The following ANO6 variants were observed in gnomAD, a reference collection of about 807,000 sequenced individuals.
ANO6 encodes anoctamin-6.
In ANO6, 106 loss-of-function variants were observed where a neutral mutation model predicts 117.5. The ratio of observed to expected loss-of-function variants is 0.90; its 90% confidence interval spans 0.77 to 1.06. ANO6 has a LOEUF of 1.06. ANO6 is among the 50% of genes least tolerant of loss of function. ANO6 has a pLI of 0.00. For synonymous variants in ANO6, 367 were observed against 385.1 expected (o/e 0.95, Z 0.55); for missense variants, 955 against 1,121.1 (o/e 0.85, Z 2.12).
chr12:45,342,605 C>T (rs1208827788), intron 3 of ANO6, among the ~76,000 whole-genome samples: 1 of 152,086 alleles, frequency 6.6e-6, no homozygotes, highest in East Asian at 1.9e-4. Context: ...ATTTGGGGGG[C>T]TGCAGTTGCT....
At chr12:45,238,406 C>T (rs1947682747) in intron 1 of ANO6, among the ~76,000 whole-genome samples, 1 of 152,102 alleles carries the variant, frequency 6.6e-6, no homozygotes, top group Non-Finnish European at 1.5e-5. Context: ...ATGCCTCAGC[C>T]TCCCAAAGTG....
Position 45,431,711 on chromosome 12 carries a change from T to C in ANO6, c.*2400T>C. ...ATAAAGAAAAGCATGGAGCTGTGTC[T>C]GCAGACAATGGTGGCTGCATCTGTA... On this transcript the variant is annotated 3_prime_UTR_variant, in exon 20 of 20. Transcript: ENST00000320560. 1 of 985,454 alleles carries C rather than the reference T, an allele frequency of 1.0e-6. No homozygotes were observed. Among genetic ancestry groups the C allele is most frequent in the South Asian group, 4.7e-5 (1 of 21,286 alleles). 61.0% of individuals were successfully genotyped at this position (985,454 alleles called of 1,614,324 possible).
Position 45,299,358 on chromosome 12 carries a change from T to C in ANO6, c.71-2656T>C, listed in dbSNP as rs542301608. 5.9e-5 allele frequency among the ~76,000 whole-genome samples: 9 copies of C among 152,348 alleles called. No individual in the cohort carries two copies. The South Asian group carries it at 1.5e-3, about 25-fold the overall frequency. ...GCAAGCACCTTAATTTTGGCAATGGTTGCAGCTCTTCAAGCCTTTGCTCAT... is the reference window on the plus strand; with the variant it reads ...GCAAGCACCTTAATTTTGGCAATGGCTGCAGCTCTTCAAGCCTTTGCTCAT... On this transcript the variant is annotated intron_variant, in intron 1 of 19. Transcript: ENST00000320560.
chr12:45,308,304 T>C (rs1018420911), intron 2 of ANO6, among the ~76,000 whole-genome samples: 23 of 151,998 alleles, frequency 1.5e-4, no homozygotes, highest in African/African-American at 5.6e-4. Context: ...GTAGGGACTG[T>C]TCCTTCTTAG....
chr12:45,242,684 T>C (rs1228015336), intron 1 of ANO6, among the ~76,000 whole-genome samples: 1 of 152,250 alleles, frequency 6.6e-6, no homozygotes, highest in Non-Finnish European at 1.5e-5. Flanking sequence ...ATACCAGAGC[T>C]GTTCCTATTC....
At chr12:45,241,752 T>A (rs1385646891) in intron 1 of ANO6, among the ~76,000 whole-genome samples, 1 of 152,164 alleles carries the variant, frequency 6.6e-6, no homozygotes. Context: ...GATGTCCTTT[T>A]TGTTGATGTT....
rs571442696 is a variant in ANO6 at position 45,438,658 on chromosome 12, A to C, written c.2527-1017A>C. On this transcript the variant is annotated intron_variant, in intron 19 of 19. Coordinates refer to the ANO6 transcript ENST00000425752. ...GATATCCTATTACGTATATGTAAAT[A>C]TTTCAAAATTCAAAAAAATCTGTAA... Among the ~76,000 whole-genome samples, 3 of 152,320 alleles carry C rather than the reference A, an allele frequency of 2.0e-5. No homozygotes were observed. In the South Asian group the frequency reaches 6.2e-4, roughly 32 times the overall value.
intron 9 of ANO6, among the ~76,000 whole-genome samples, chr12:45,377,661 A>G (rs933102946): frequency 6.6e-6 from 1 of 152,258 alleles, no homozygotes; most frequent in Non-Finnish European, 1.5e-5. Flanking sequence ...TCATATATCT[A>G]AAAGTTGCTT....
At chr12:45,374,731 A>G (rs1315162516) in intron 9 of ANO6, among the ~76,000 whole-genome samples, 37 of 149,458 alleles carry the variant, frequency 2.5e-4, no homozygotes, top group African/African-American at 8.4e-4. Flanking sequence ...TCTATGACAA[A>G]CCCACAGCCA....
At chr12:45,250,842 T>C (rs1055763249) in intron 1 of ANO6, among the ~76,000 whole-genome samples, 2 of 151,620 alleles carry the variant, frequency 1.3e-5, no homozygotes, top group African/African-American at 4.9e-5. Flanking sequence ...CAAGCAATCC[T>C]TGGCCTCCTG....
At chr12:45,248,344 C>T (rs1188263081) in intron 1 of ANO6, among the ~76,000 whole-genome samples, 2 of 151,930 alleles carry the variant, frequency 1.3e-5, no homozygotes, top group Non-Finnish European at 2.9e-5. Flanking sequence ...AAGCTTTCTG[C>T]CAAGTAGCAC....
intron 8 of ANO6, among the ~76,000 whole-genome samples, chr12:45,363,578 GA>G (rs1941610995): frequency 6.7e-6 from 1 of 149,024 alleles, no homozygotes; most frequent in South Asian, 2.1e-4. Flanking sequence ...AAAAAAAAAA[GA>G]AAAAAGGGTG....
In ANO6 at chr12:45,216,198, G is replaced by A. The variant is rs1186714098; in HGVS notation, c.-124G>A. 2.3e-5 allele frequency: 26 copies of A among 1,133,508 alleles called. No homozygotes were observed. Among genetic ancestry groups the A allele is most frequent in the Non-Finnish European group, 3.2e-5 (25 of 777,208 alleles). The allele number at this position is 1,133,508 out of a possible 1,614,324, so 70.2% of individuals were successfully genotyped here. A position where few individuals can be genotyped will look rare whatever the true frequency, so the allele number is the denominator to read the frequency against. On this transcript the variant is annotated 5_prime_UTR_variant, in exon 1 of 20. Transcript: ENST00000320560. ...TCCCCGGCGCTGGCTGGGCTCAGCGGCCCCTGAGCCCAAGCGACACACGCC... is the reference window on the plus strand; with the variant it reads ...TCCCCGGCGCTGGCTGGGCTCAGCGACCCCTGAGCCCAAGCGACACACGCC...
chr12:45,360,988 G>A (rs1941541143), intron 8 of ANO6, among the ~76,000 whole-genome samples: 1 of 152,064 alleles, frequency 6.6e-6, no homozygotes, highest in African/African-American at 2.4e-5. Flanking sequence ...CTGTAACTTT[G>A]TAAACTTCAA....
chr12:45,313,213 G>C (rs1939902436), intron 2 of ANO6: 1 of 151,982 alleles, frequency 6.6e-6, no homozygotes. Context: ...AAGCTATTCT[G>C]AAGGTTGCCC....
chr12:45,268,990 A>T (rs946608961), intron 1 of ANO6, among the ~76,000 whole-genome samples: 2 of 152,162 alleles, frequency 1.3e-5, no homozygotes, highest in African/African-American at 4.8e-5. Context: ...ATCAAGATTT[A>T]TGGTGGAGAC....
At chr12:45,355,343 C>A (rs1427234708) in intron 7 of ANO6, among the ~76,000 whole-genome samples, 1 of 152,044 alleles carries the variant, frequency 6.6e-6, no homozygotes, top group Non-Finnish European at 1.5e-5. Context: ...TCTGGCCTTG[C>A]CTACAATGTA....
intron 8 of ANO6, among the ~76,000 whole-genome samples, chr12:45,367,419 C>T (rs1478584394): frequency 6.6e-6 from 1 of 152,166 alleles, no homozygotes; most frequent in Non-Finnish European, 1.5e-5. Flanking sequence ...ACTTGACATA[C>T]AATGCTGGCA....
chr12:45,357,351 C>A lies in ANO6; in HGVS notation c.925C>A (p.Leu309Ile). ...FAWLGYYTQM[L>I]LLAAVVGVAC... is the part of the protein sequence containing the mutation. ...TTGGCTGGGCTATTACACTCAGATGCTTCTCCTGGCCGCAGTTGTAGGAGT... is the reference window on the plus strand; with the variant it reads ...TTGGCTGGGCTATTACACTCAGATGATTCTCCTGGCCGCAGTTGTAGGAGT... The change falls in exon 8 of 20, where the codon CTT becomes ATT. Residue 309 changes from leucine (L) to isoleucine (I), a missense_variant. Coordinates refer to ENST00000320560, the MANE Select transcript of ANO6 (RefSeq NM_001025356.3). 1 of 1,614,044 alleles carries A rather than the reference C, an allele frequency of 6.2e-7. No individual in the cohort carries two copies. The highest frequency in any genetic ancestry group is 8.5e-7 in the Non-Finnish European group (1 of 1,179,966).
Sources: gnomAD v4.1 joint callset for allele counts (sites outside exome capture counted in the v4.1 genomes callset) on GRCh38, gnomAD v4.1.1 for gene constraint, MANE v1.5 for transcripts, NCBI Gene and HGNC (gene_info 2026-07-23, HGNC 2026-07-21) for gene names.